The following USP46 variants were observed in gnomAD, a reference collection of about 807,000 sequenced individuals.
USP46 encodes ubiquitin carboxyl-terminal hydrolase 46.
Under a neutral mutation model 44.4 loss-of-function variants are expected in USP46, and 12 were observed. That is an observed-to-expected ratio of 0.27 (90% CI 0.17 to 0.44). The LOEUF (loss-of-function observed/expected upper bound fraction) is 0.44, where lower values mean the gene tolerates loss of function less well. Among genes scored for constraint, USP46 ranks in the 20% least tolerant of loss-of-function variants. The probability of loss-of-function intolerance (pLI) is 1.00; values close to 1 mark genes in which losing one functional copy is unlikely to be tolerated. For synonymous variants in USP46, 155 were observed against 161.5 expected, an observed-to-expected ratio of 0.96 and a Z score of 0.31; for missense variants, 248 against 444.8, an observed-to-expected ratio of 0.56 and a Z score of 3.98.
chr4:52,631,893 C>A (rs1185105464), intron 1 of USP46, among the ~76,000 whole-genome samples: 4 of 152,048 alleles, frequency 2.6e-5, no homozygotes, highest in African/African-American at 4.8e-5. Context: ...GTAATCCCAG[C>A]TACTCGGGAG....
At chr4:52,614,369 T>C (rs1035852043) in intron 4 of USP46, among the ~76,000 whole-genome samples, 5 of 152,160 alleles carry the variant, frequency 3.3e-5, no homozygotes, top group African/African-American at 7.2e-5. Flanking sequence ...TCAGCCAAGG[T>C]GCCTCACAGC....
chr4:52,591,810 C>T lies in USP46; in HGVS notation c.*5830G>A, dbSNP rs572179783. 1 of 152,146 alleles carries T rather than the reference C, an allele frequency of 6.6e-6. No homozygotes were observed. The highest frequency in any genetic ancestry group is 1.5e-5 in the Non-Finnish European group (1 of 68,032). The allele number at this position is 152,146 out of a possible 1,614,324, so 9.4% of individuals were successfully genotyped here. ...TTATTTTGGTAAGTCTAGATAGGCT[C>T]TAATTATTTGGTCATAATGTAAACA... On this transcript the variant is annotated 3_prime_UTR_variant, in exon 9 of 9. Transcript: ENST00000441222.
intron 1 of USP46, among the ~76,000 whole-genome samples, chr4:52,657,041 A>C (rs10014013): frequency 1.3e-3 from 169 of 129,444 alleles, no homozygotes; most frequent in African/African-American, 5.1e-3. Context: ...AGACCTTGTC[A>C]AAAAAAAAAA....
intron 1 of USP46, among the ~76,000 whole-genome samples, chr4:52,645,625 C>T (rs1416408589): frequency 6.6e-6 from 1 of 152,128 alleles, no homozygotes; most frequent in Non-Finnish European, 1.5e-5. Context: ...CCTGAATTAT[C>T]ATGTCCCCTA....
intron 1 of USP46, 108 bp from the exon 2 acceptor site, chr4:52,631,252 G>A (rs892868453): frequency 4.2e-5 from 33 of 794,892 alleles, no homozygotes; most frequent in Middle Eastern, 2.3e-4. Context: ...TGGTCAACAC[G>A]GTATTTGTTG....
intron 5 of USP46, among the ~76,000 whole-genome samples, chr4:52,608,647 C>G (rs1296859200): frequency 6.6e-6 from 1 of 152,216 alleles, no homozygotes; most frequent in African/African-American, 2.4e-5. Flanking sequence ...CAATCCCGCA[C>G]CCCTCCACCC....
rs756502526 is a variant in USP46 at position 52,597,387 on chromosome 4, T to G, written c.*253A>C. 6 of 389,670 alleles carry G rather than the reference T, an allele frequency of 1.5e-5. No individual in the cohort carries two copies. Among genetic ancestry groups the G allele is most frequent in the Non-Finnish European group, 2.8e-5 (6 of 218,002 alleles). 24.1% of individuals were successfully genotyped at this position (389,670 alleles called of 1,614,324 possible). A position where few individuals can be genotyped will look rare whatever the true frequency, so the allele number is the denominator to read the frequency against. On this transcript the variant is annotated 3_prime_UTR_variant, in exon 9 of 9. Coordinates refer to ENST00000441222, the MANE Select transcript of USP46 (RefSeq NM_022832.4). ...GAATGGCATAGCTTTCACCCAGTCCTAAAATTAGCAACCGTTATTCATATA... is the reference window on the plus strand; with the variant it reads ...GAATGGCATAGCTTTCACCCAGTCCGAAAATTAGCAACCGTTATTCATATA...
intron 1 of USP46, among the ~76,000 whole-genome samples, chr4:52,643,056 G>A (rs1256145469): frequency 2.0e-5 from 3 of 152,278 alleles, no homozygotes; most frequent in East Asian, 1.9e-4. Context: ...GAAAACTGGC[G>A]ATGAATTAAA....
chr4:52,622,841 G>C (rs1441131423), intron 4 of USP46, among the ~76,000 whole-genome samples: 1 of 152,194 alleles, frequency 6.6e-6, no homozygotes, highest in East Asian at 1.9e-4. Flanking sequence ...CATGTGCAAA[G>C]GACCTGAAGC....
Position 52,601,850 on chromosome 4 carries a change from C to T in USP46, c.920+7G>A, listed in dbSNP as rs370334605. ...CCCTGTATACCTGCTTCCAGTCTTG[C>T]CCTTACCTGCCACAGTGAACGACCA... On this transcript the variant is annotated splice_region_variant and intron_variant, in intron 7 of 8. Coordinates refer to ENST00000441222, the MANE Select transcript of USP46 (RefSeq NM_022832.4). 9.7e-5 allele frequency: 157 copies of T among 1,611,510 alleles called. No individual in the cohort carries two copies. Among genetic ancestry groups the T allele is most frequent in the Non-Finnish European group, 1.2e-4 (145 of 1,179,116 alleles).
chr4:52,656,250 C>A (rs1339579551), intron 1 of USP46: 1 of 1,542,140 alleles, frequency 6.5e-7, no homozygotes, highest in Admixed American at 2.0e-5. Context: ...CAGTAAGAGG[C>A]CCACAGAGGA....
At chr4:52,658,968 G>C (rs1719065406) in intron 1 of USP46, 147 bp downstream of exon 1, 1 of 954,680 alleles carries the variant, frequency 1.0e-6, no homozygotes, top group Non-Finnish European at 1.4e-6. Context: ...CTGCGGCCGC[G>C]CGCCCAGCTC....
At chr4:52,597,766 A>C in intron 8 of USP46, 25 bp from the exon 9 acceptor site, 1 of 1,485,500 alleles carries the variant, frequency 6.7e-7, no homozygotes, top group South Asian at 1.2e-5. Context: ...AAAGAAAACA[A>C]CACAATTACT....
chr4:52,654,869 A>C (rs1405391872), intron 1 of USP46, among the ~76,000 whole-genome samples: 1 of 152,228 alleles, frequency 6.6e-6, no homozygotes, highest in Non-Finnish European at 1.5e-5. Context: ...GATTTTCATA[A>C]AGCCTTTATC....
chr4:52,649,630 A>C (rs190839193), intron 1 of USP46, among the ~76,000 whole-genome samples: 37 of 152,330 alleles, frequency 2.4e-4, no homozygotes, highest in Admixed American at 1.9e-3. Context: ...CCTCCAGCTA[A>C]TGCCTATGCA....
rs73815964 is a variant in USP46 at position 52,629,643 on chromosome 4, G to C, written c.117+1421C>G. On this transcript the variant is annotated intron_variant, in intron 2 of 8. Transcript: ENST00000441222. ...TTACTCAGTATCTCACCTTTCCCCAGACACCCTTCAGTAACGCTTGGCCCC... is the reference window on the plus strand; with the variant it reads ...TTACTCAGTATCTCACCTTTCCCCACACACCCTTCAGTAACGCTTGGCCCC... 1,746 of 456,138 alleles carry C rather than the reference G, an allele frequency of 3.8e-3. 20 individuals are homozygous for C. Among genetic ancestry groups the C allele is most frequent in the African/African-American group, 0.032 (1,594 of 50,122 alleles). The allele number at this position is 456,138 out of a possible 1,614,324, so 28.3% of individuals were successfully genotyped here. A position where few individuals can be genotyped will look rare whatever the true frequency, so the allele number is the denominator to read the frequency against.
At chr4:52,654,239 C>T (rs976987566) in intron 1 of USP46, among the ~76,000 whole-genome samples, 1 of 152,172 alleles carries the variant, frequency 6.6e-6, no homozygotes, top group South Asian at 2.1e-4. Context: ...TCAGAGTAGA[C>T]CCTCATATGA....
chr4:52,598,782 A>C (rs1716343143), intron 7 of USP46, 76 bp from the exon 8 acceptor site: 3 of 1,387,870 alleles, frequency 2.2e-6, no homozygotes, highest in Admixed American at 2.1e-5. Context: ...GCTCTTTATA[A>C]GCAGTGATTC....
intron 2 of USP46, among the ~76,000 whole-genome samples, chr4:52,629,020 A>G (rs2109633699): frequency 6.6e-6 from 1 of 152,362 alleles, no homozygotes; most frequent in Non-Finnish European, 1.5e-5. Context: ...ATCACTTTAG[A>G]ATTTGTTGTG....
Sources: gnomAD v4.1 joint callset for allele counts (sites outside exome capture counted in the v4.1 genomes callset) on GRCh38, gnomAD v4.1.1 for gene constraint, MANE v1.5 for transcripts, NCBI Gene and HGNC (gene_info 2026-07-23, HGNC 2026-07-21) for gene names.